The following HSD17B2 variants were observed in gnomAD, a reference collection of about 807,000 sequenced individuals.
HSD17B2 encodes the protein hydroxysteroid 17-beta dehydrogenase 2.
HSD17B2 carries 32 observed loss-of-function variants against 26.9 expected under a neutral mutation model. The observed-to-expected ratio is 1.19, with a 90% CI of 0.90 to 1.60. The LOEUF (loss-of-function observed/expected upper bound fraction) is 1.60, where lower values mean the gene tolerates loss of function less well. Among genes scored for constraint, HSD17B2 ranks in the 40% most tolerant of loss-of-function variants. HSD17B2 has a pLI of 0.00. For missense variants in HSD17B2, 613 were observed against 468.6 expected (o/e 1.31, Z -2.85); for synonymous variants, 246 against 186.7 (o/e 1.32, Z -2.59).
At chr16:82,052,949 G>A (rs1362555432) in intron 1 of HSD17B2, among the ~76,000 whole-genome samples, 2 of 152,186 alleles carry the variant, frequency 1.3e-5, no homozygotes, top group Admixed American at 1.3e-4. Context: ...TAGCAAGAGG[G>A]CAAGAGCATG....
intron 4 of HSD17B2, chr16:82,095,485 T>TG: frequency 6.5e-6 from 1 of 153,098 alleles, no homozygotes; most frequent in Non-Finnish European, 1.5e-5. Context: ...GGAGACAGCG[T>TG]GGGAGACCGC....
intron 4 of HSD17B2, chr16:82,097,337 C>G (rs1904877007): frequency 7.9e-6 from 1 of 126,102 alleles, no homozygotes; most frequent in African/African-American, 3.0e-5. Flanking sequence ...TATATATACA[C>G]ATTATATATG....
At position 82,073,881 on chromosome 16, in the gene HSD17B2, C is replaced by A. The variant is rs8059728; in HGVS notation, c.664+2754C>A. ...AAATTAATATGGAACCAAAAAAGAA[C>A]ATGAATAGTCAAGGCACCACTAATC... On this transcript the variant is annotated intron_variant, in intron 3 of 4. Coordinates refer to ENST00000199936, the MANE Select transcript of HSD17B2 (RefSeq NM_002153.3). 1.1e-3 allele frequency among the ~76,000 whole-genome samples: 170 copies of A among 152,208 alleles called. 1 individual carries two copies. Among genetic ancestry groups the A allele is most frequent in the African/African-American group, 4.0e-3 (168 of 41,524 alleles).
At chr16:82,037,993 A>G (rs1196363654) in intron 1 of HSD17B2, among the ~76,000 whole-genome samples, 1 of 152,156 alleles carries the variant, frequency 6.6e-6, no homozygotes, top group Admixed American at 6.5e-5. Context: ...TTTACGTGTT[A>G]TTTTCTCTCC....
At chr16:82,054,737 T>G (rs547761140) in intron 1 of HSD17B2, among the ~76,000 whole-genome samples, 5 of 152,242 alleles carry the variant, frequency 3.3e-5, no homozygotes, top group Non-Finnish European at 7.4e-5. Context: ...TCCCACTTCA[T>G]CTCTTTGAGA....
At chr16:82,048,825 C>A (rs1046051505) in intron 1 of HSD17B2, among the ~76,000 whole-genome samples, 2 of 152,122 alleles carry the variant, frequency 1.3e-5, no homozygotes, top group African/African-American at 4.8e-5. Context: ...TAAGATGTGA[C>A]AATGTACTGC....
intron 3 of HSD17B2, chr16:82,090,188 G>C: frequency 1.0e-6 from 1 of 977,472 alleles, no homozygotes; most frequent in Non-Finnish European, 1.2e-6. Flanking sequence ...TTGAATAGTG[G>C]ACCCTCCTCC....
intron 4 of HSD17B2, chr16:82,096,187 A>G (rs972779583): frequency 6.6e-6 from 1 of 152,198 alleles, no homozygotes; most frequent in African/African-American, 2.4e-5. Flanking sequence ...TGAAAATTAT[A>G]TCCATTAAGT....
intron 1 of HSD17B2, among the ~76,000 whole-genome samples, chr16:82,051,879 T>C (rs1373606267): frequency 6.6e-6 from 1 of 152,228 alleles, no homozygotes. Context: ...GATACTACTT[T>C]TGAGAGTTTG....
At chr16:82,062,737 G>C (rs571474812) in intron 1 of HSD17B2, among the ~76,000 whole-genome samples, 6 of 152,274 alleles carry the variant, frequency 3.9e-5, no homozygotes, top group Admixed American at 1.3e-4. Flanking sequence ...TCCATACTTG[G>C]TGTGCTTATT....
At chr16:82,051,776 T>G (rs910810350) in intron 1 of HSD17B2, among the ~76,000 whole-genome samples, 1 of 152,220 alleles carries the variant, frequency 6.6e-6, no homozygotes, top group Non-Finnish European at 1.5e-5. Context: ...GAATCGTTAG[T>G]TGCAGCTTCT....
At chr16:82,039,548 A>G (rs955694790) in intron 1 of HSD17B2, among the ~76,000 whole-genome samples, 1 of 152,178 alleles carries the variant, frequency 6.6e-6, no homozygotes, top group African/African-American at 2.4e-5. Flanking sequence ...CAAAGGGGGA[A>G]GAAAATTTTA....
At position 82,035,488 on chromosome 16, in the gene HSD17B2, A is replaced by G. The variant is rs746518097; in HGVS notation, c.64A>G (p.Thr22Ala). 6.8e-6 allele frequency: 11 copies of G among 1,613,898 alleles called. No individual in the cohort carries two copies. The South Asian group carries it at 9.9e-5, about 14-fold the overall frequency. The change falls in exon 1 of 5, where the codon ACA (threonine) becomes GCA (alanine). Residue 22 changes from threonine (T) to alanine (A), a missense_variant. Transcript: ENST00000199936. Reference protein sequence around the residue: ...CLAVPTVLCGTVFCKYKKSSG... With the variant: ...CLAVPTVLCGAVFCKYKKSSG... ...GGCTGTCCCCACAGTACTATGTGGG[A>G]CAGTATTTTGCAAATACAAGAAGAG...
chr16:82,082,615 C>A (rs1904413853), intron 3 of HSD17B2, among the ~76,000 whole-genome samples: 2 of 152,124 alleles, frequency 1.3e-5, no homozygotes, highest in African/African-American at 4.8e-5. Flanking sequence ...AAACCCTATA[C>A]ACTTTAGTGT....
At chr16:82,070,695 T>A (rs566659774) in intron 2 of HSD17B2, 2 of 509,994 alleles carry the variant, frequency 3.9e-6, no homozygotes, top group South Asian at 3.3e-5. Flanking sequence ...CTTAGTAAAT[T>A]CTGAAGAGTT....
In HSD17B2 at chr16:82,038,142, A is replaced by T. The variant is rs183939916; in HGVS notation, c.265+2453A>T. ...GAGAGGCAATTACAAAGACAAATTT[A>T]AAAAAATGACTTTTTTCTCCCCTTT... is the stretch of plus-strand genomic sequence containing the variant. On this transcript the variant is annotated intron_variant, in intron 1 of 4. Coordinates refer to ENST00000199936, the MANE Select transcript of HSD17B2 (RefSeq NM_002153.3). 2.7e-3 allele frequency among the ~76,000 whole-genome samples: 406 copies of T among 152,268 alleles called. 2 individuals carry two copies. The highest frequency in any genetic ancestry group is 3.4e-3 in the Middle Eastern group (1 of 294).
intron 1 of HSD17B2, among the ~76,000 whole-genome samples, chr16:82,055,821 A>G (rs199768503): frequency 6.6e-6 from 1 of 152,154 alleles, no homozygotes; most frequent in South Asian, 2.1e-4. Context: ...AAATAACACA[A>G]TGCTCTGGTG....
At chr16:82,076,335 G>A (rs1904302203) in intron 3 of HSD17B2, among the ~76,000 whole-genome samples, 1 of 152,140 alleles carries the variant, frequency 6.6e-6, no homozygotes. Flanking sequence ...AACACGACAA[G>A]GATGCCCACT....
intron 4 of HSD17B2, chr16:82,094,249 T>C (rs776865628): frequency 6.6e-6 from 1 of 152,242 alleles, no homozygotes; most frequent in Non-Finnish European, 1.5e-5. Context: ...GGAGTTACTC[T>C]TGTTCAAATG....
Sources: gnomAD v4.1 joint callset for allele counts (sites outside exome capture counted in the v4.1 genomes callset) on GRCh38, gnomAD v4.1.1 for gene constraint, MANE v1.5 for transcripts, NCBI Gene and HGNC (gene_info 2026-07-23, HGNC 2026-07-21) for gene names.